The following SLC49A4 variants were observed in gnomAD, a reference collection of about 807,000 sequenced individuals.
SLC49A4 encodes disrupted in renal cancer protein 2.
Under a neutral mutation model 50.6 loss-of-function variants are expected in SLC49A4, and 36 were observed. The observed-to-expected ratio is 0.71, with a 90% CI of 0.55 to 0.94. The LOEUF (loss-of-function observed/expected upper bound fraction) is 0.94. SLC49A4 is among the 40% of genes least tolerant of loss of function. The pLI is 0.00. For missense variants in SLC49A4, 503 were observed against 605.7 expected, an observed-to-expected ratio of 0.83 and a Z score of 1.78; for synonymous variants, 248 against 241.2, an observed-to-expected ratio of 1.03 and a Z score of -0.26.
chr3:122,868,810 A>C (rs147616337), intron 7 of SLC49A4, among the ~76,000 whole-genome samples: 8 of 152,250 alleles, frequency 5.3e-5, no homozygotes, highest in Non-Finnish European at 8.8e-5. Context: ...TGGTAATACA[A>C]GAAGCAAACA....
chr3:122,823,006 CAT>C lies in SLC49A4; in HGVS notation c.438-3792_438-3791del, dbSNP rs148417236. 9.7e-3 allele frequency among the ~76,000 whole-genome samples: 1,475 copies of C among 152,300 alleles called. 26 individuals carry two copies. Among genetic ancestry groups the C allele is most frequent in the African/African-American group, 0.034 (1,420 of 41,556 alleles). On this transcript the variant is annotated intron_variant, in intron 2 of 8. Transcript: ENST00000261038. ...TTGCCAGTACCACTTTAAACCATGC[CAT>C]AGAGTCCCTGTCCTGGATTCCATGC... is the stretch of plus-strand genomic sequence containing the variant.
chr3:122,807,458 G>A (rs1936239111), intron 2 of SLC49A4, among the ~76,000 whole-genome samples: 1 of 152,052 alleles, frequency 6.6e-6, no homozygotes, highest in Admixed American at 6.6e-5. Context: ...GCCTTTTCTG[G>A]GGTGGATAGG....
chr3:122,864,855 A>C (rs1937095663), intron 7 of SLC49A4, among the ~76,000 whole-genome samples: 1 of 152,180 alleles, frequency 6.6e-6, no homozygotes, highest in African/African-American at 2.4e-5. Flanking sequence ...CCCTACAAAA[A>C]ATAAAAAAAT....
chr3:122,806,526 A>G (rs1031519399), intron 1 of SLC49A4, among the ~76,000 whole-genome samples: 1 of 151,802 alleles, frequency 6.6e-6, no homozygotes, highest in Non-Finnish European at 1.5e-5. Flanking sequence ...TACAGGTGTA[A>G]TCCACCACAC....
Position 122,872,352 on chromosome 3 carries a change from GATCT to G in SLC49A4, c.1139-58_1139-55del, listed in dbSNP as rs1234633167. On this transcript the variant is annotated intron_variant, in intron 7 of 8. Coordinates refer to ENST00000261038, the MANE Select transcript of SLC49A4 (RefSeq NM_032839.3). ...TACTTAGGAAAGAGAACACCCCGAA[GATCT>G]ATCTGATATGACTCACTGCCGCTAG... 2.0e-5 allele frequency: 28 copies of G among 1,366,654 alleles called. 1 individual carries two copies. The Middle Eastern group carries it at 2.6e-3, about 127-fold the overall frequency. The allele number at this position is 1,366,654 out of a possible 1,614,324, so 84.7% of individuals were successfully genotyped here. A position where few individuals can be genotyped will look rare whatever the true frequency, so the allele number is the denominator to read the frequency against.
chr3:122,797,732 G>A (rs1936067410), intron 1 of SLC49A4, among the ~76,000 whole-genome samples: 1 of 152,180 alleles, frequency 6.6e-6, no homozygotes, highest in Non-Finnish European at 1.5e-5. Flanking sequence ...TGTAATCTCA[G>A]CACTTTGGGA....
chr3:122,814,154 G>C (rs904076906), intron 2 of SLC49A4, among the ~76,000 whole-genome samples: 1 of 152,146 alleles, frequency 6.6e-6, no homozygotes, highest in African/African-American at 2.4e-5. Flanking sequence ...TATAATCCCA[G>C]CTACTTGGGA....
intron 4 of SLC49A4, among the ~76,000 whole-genome samples, chr3:122,839,141 G>A (rs1229285160): frequency 6.6e-6 from 1 of 152,110 alleles, no homozygotes; most frequent in Non-Finnish European, 1.5e-5. Flanking sequence ...ATAAATTGGA[G>A]AAAGGACACC....
At chr3:122,809,256 A>G (rs1936264753) in intron 2 of SLC49A4, among the ~76,000 whole-genome samples, 1 of 152,202 alleles carries the variant, frequency 6.6e-6, no homozygotes, top group Admixed American at 6.5e-5. Context: ...GTTCCTATGG[A>G]AAGCTAGTCA....
intron 1 of SLC49A4, 85 bp from the exon 2 acceptor site, chr3:122,806,772 T>C: frequency 1.2e-6 from 1 of 823,160 alleles, no homozygotes; most frequent in East Asian, 2.6e-5. Flanking sequence ...ATAATGTCAG[T>C]ATGATTGACT....
At chr3:122,844,611 A>G (rs973808294) in intron 4 of SLC49A4, among the ~76,000 whole-genome samples, 10 of 152,052 alleles carry the variant, frequency 6.6e-5, no homozygotes, top group African/African-American at 1.7e-4. Context: ...GCGAAACCCT[A>G]TCTCTACTAA....
intron 2 of SLC49A4, among the ~76,000 whole-genome samples, chr3:122,808,661 G>A (rs1936256783): frequency 6.6e-6 from 1 of 152,162 alleles, no homozygotes; most frequent in Admixed American, 6.5e-5. Context: ...TGGAGGTTTT[G>A]AGCTGAGAGT....
At position 122,811,569 on chromosome 3, in the gene SLC49A4, T is replaced by C. The variant is rs75738331; in HGVS notation, c.437+4619T>C. 9.6e-4 allele frequency among the ~76,000 whole-genome samples: 146 copies of C among 152,300 alleles called. No individual in the cohort carries two copies. In the East Asian group the frequency reaches 0.025, roughly 26 times the overall value. On this transcript the variant is annotated intron_variant, in intron 2 of 8. Coordinates refer to ENST00000261038, the MANE Select transcript of SLC49A4 (RefSeq NM_032839.3). ...TAACCTACACCTATATTTGCACTTA[T>C]AGAAAATTAGCCCACATATAAAGCT...
chr3:122,829,621 A>G (rs957433645), intron 3 of SLC49A4, among the ~76,000 whole-genome samples: 1 of 152,154 alleles, frequency 6.6e-6, no homozygotes, highest in Non-Finnish European at 1.5e-5. Flanking sequence ...ATGATGGCAC[A>G]TGCCTGTAAT....
At chr3:122,842,192 A>G (rs1458978430) in intron 4 of SLC49A4, among the ~76,000 whole-genome samples, 1 of 152,136 alleles carries the variant, frequency 6.6e-6, no homozygotes, top group Non-Finnish European at 1.5e-5. Flanking sequence ...TATGTACAAG[A>G]TTGCAGATGT....
In SLC49A4 at chr3:122,795,248, T is replaced by C; in HGVS notation, c.56T>C (p.Leu19Pro). ...EERQPLLGPGLGPGLGASWRS... is the reference protein window; with the variant it reads ...EERQPLLGPGPGPGLGASWRS... ...AGGCAGCCGCTGCTGGGGCCCGGGC[T>C]CGGGCCTGGGCTGGGGGCCTCCTGG... The change falls in exon 1 of 9, where the codon CTC becomes CCC. Residue 19 changes from leucine to proline, a missense_variant. Leu to Pro is a moderately conservative substitution (Grantham distance 98). Coordinates refer to ENST00000261038, the MANE Select transcript of SLC49A4 (RefSeq NM_032839.3). 7.4e-7 allele frequency: 1 copy of C among 1,347,446 alleles called. No individual in the cohort carries two copies. Among genetic ancestry groups the C allele is most frequent in the Non-Finnish European group, 9.4e-7 (1 of 1,059,026 alleles). 83.5% of individuals were successfully genotyped at this position (1,347,446 alleles called of 1,614,324 possible).
chr3:122,807,973 A>T (rs749858763), intron 2 of SLC49A4, among the ~76,000 whole-genome samples: 3 of 152,160 alleles, frequency 2.0e-5, no homozygotes, highest in Non-Finnish European at 4.4e-5. Context: ...TATAAGGGGT[A>T]GAGATTGCTG....
chr3:122,848,260 T>C (rs1936883418), intron 5 of SLC49A4, among the ~76,000 whole-genome samples: 1 of 152,196 alleles, frequency 6.6e-6, no homozygotes, highest in Admixed American at 6.5e-5. Context: ...ATTTTTTTTC[T>C]TCACTGCCCT....
intron 3 of SLC49A4, among the ~76,000 whole-genome samples, chr3:122,832,206 A>C (rs567206025): frequency 6.6e-6 from 1 of 152,290 alleles, no homozygotes; most frequent in African/African-American, 2.4e-5. Flanking sequence ...GATTTGTTCA[A>C]ATTACAAGCT....
Sources: allele counts gnomAD v4.1 joint callset (sites outside exome capture counted in the v4.1 genomes callset), GRCh38; gene constraint gnomAD v4.1.1; transcripts MANE v1.5; gene names NCBI Gene and HGNC (gene_info 2026-07-23, HGNC 2026-07-21).